RGS11: variants seen among roughly 807,000 people sequenced by gnomAD.
The protein encoded by RGS11 is regulator of G protein signaling 11.
RGS11 carries 86 observed loss-of-function variants against 71.1 expected under a neutral mutation model. The ratio of observed to expected loss-of-function variants is 1.21; its 90% CI spans 1.02 to 1.45. RGS11 has a LOEUF of 1.45. Ranked by LOEUF, RGS11 falls within the 40% of genes most tolerant of loss-of-function variation. RGS11 has a pLI of 0.00. For missense variants in RGS11, 734 were observed against 635.1 expected, an observed-to-expected ratio of 1.16 and a Z score of -1.67; for synonymous variants, 298 against 254.2, an observed-to-expected ratio of 1.17 and a Z score of -1.64.
chr16:271,058 A>G lies in RGS11; in HGVS notation c.905T>C (p.Phe302Ser). ...GTCCTCCAGGAGCTCCCGGAAGCTG[A>G]AGCCCCATCTCTCCACACGGAGCTT... is the stretch of plus-strand genomic sequence containing the variant. ...PTKLRVERWG[F>S]SFRELLEDPV... Residue 302 changes from phenylalanine (F) to serine (S), a missense_variant, in exon 13 of 17, where the codon TTC becomes TCC. Coordinates refer to ENST00000397770, the MANE Select transcript of RGS11 (RefSeq NM_183337.3). The G allele has an allele frequency of 6.2e-7, 1 of 1,612,412 alleles. No homozygotes were observed. The highest frequency in any genetic ancestry group is 8.5e-7 in the Non-Finnish European group (1 of 1,179,914).
At position 270,988 on chromosome 16, in the gene RGS11, G is replaced by A. The variant is rs367688539; in HGVS notation, c.975C>T (p.Phe325=). The part of the protein sequence containing the change: ...AHFMDFLGKE[F]SGENLSFWEA... ...CAGGGGCTGGGGGGTTCTCACCACT[G>A]AACTCCTTTCCCAGAAAGTCCATGA... Residue 325 remains phenylalanine (F), a synonymous_variant, in exon 13 of 17, where the codon TTC becomes TTT. Coordinates refer to ENST00000397770, the MANE Select transcript of RGS11 (RefSeq NM_183337.3). The A allele has an allele frequency of 6.2e-7, 1 of 1,610,382 alleles. No individual in the cohort carries two copies. The highest frequency in any genetic ancestry group is 1.3e-5 in the African/African-American group (1 of 74,874).
rs1213390765 is a variant in RGS11, at chr16:273,468, G to A, written c.588+7C>T. Reference sequence around the variant, plus strand: ...GCGACCCCCACCCTCACCGCAGGTGGGCTCACCGGGGGCCTGTTCACCAGC... The same window carrying A: ...GCGACCCCCACCCTCACCGCAGGTGAGCTCACCGGGGGCCTGTTCACCAGC... On this transcript the variant is annotated splice_region_variant and intron_variant, in intron 8 of 16. Coordinates refer to ENST00000397770, the MANE Select transcript of RGS11 (RefSeq NM_183337.3). 11 of 1,547,472 alleles carry A rather than the reference G, an allele frequency of 7.1e-6. No homozygotes were observed. Among genetic ancestry groups the A allele is most frequent in the African/African-American group, 5.5e-5 (4 of 73,240 alleles).
rs757240469 is a variant in RGS11 at position 270,227 on chromosome 16, C to A, written c.1206+296G>T. Among the ~76,000 whole-genome samples the A allele has an allele frequency of 1.7e-3, 255 of 151,364 alleles. 1 individual carries two copies. Among genetic ancestry groups the A allele is most frequent in the Admixed American group, 4.9e-3 (74 of 15,232 alleles). On this transcript the variant is annotated intron_variant, in intron 15 of 16. Coordinates refer to ENST00000397770, the MANE Select transcript of RGS11 (RefSeq NM_183337.3). Reference sequence around the variant, plus strand: ...TCCCGCCACTGCACTCCAGCCTGGGCGACAGAGCGAGACTCGCCTCAAAAC... The same window carrying A: ...TCCCGCCACTGCACTCCAGCCTGGGAGACAGAGCGAGACTCGCCTCAAAAC...
chr16:275,195 G>T, intron 3 of RGS11, 88 bp downstream of exon 3: 4 of 1,601,358 alleles, frequency 2.5e-6, no homozygotes, highest in Non-Finnish European at 2.6e-6. Flanking sequence ...GCTCAGCAGG[G>T]CTCTGAGAAC....
chr16:275,093 G>T lies in RGS11; in HGVS notation c.212-11C>A. The T allele has an allele frequency of 1.4e-6, 2 of 1,480,414 alleles. No homozygotes were observed. The allele number at this position is 1,480,414 out of a possible 1,614,324, so 91.7% of individuals were successfully genotyped here. On this transcript the variant is annotated splice_polypyrimidine_tract_variant and intron_variant, in intron 3 of 16. Coordinates refer to ENST00000397770, the MANE Select transcript of RGS11 (RefSeq NM_183337.3). ...CCAGGTGCAGGGCCTCTGGGGAGGG[G>T]TGGGACGGTGAGCGCGGGGCCGCGG...
In RGS11 at chr16:270,760, C is replaced by G. The variant is rs9806942; in HGVS notation, c.1051G>C (p.Val351Leu). The change falls in exon 14 of 17, where the codon GTG becomes CTG. Residue 351 changes from valine (V) to leucine (L), a missense_variant. Val to Leu is a conservative substitution (Grantham distance 32). Transcript: ENST00000397770. Reference sequence around the variant, plus strand: ...AGCACTTACTCGTACACGGCATCCACCAGGGTGGGGACCTGGGCCTGCGCT... The same window carrying G: ...AGCACTTACTCGTACACGGCATCCAGCAGGGTGGGGACCTGGGCCTGCGCT... ...YGAQAQVPTL[V>L]DAVYEQFLAP... 7 of 1,612,240 alleles carry G rather than the reference C, an allele frequency of 4.3e-6. No individual in the cohort carries two copies. Among genetic ancestry groups the G allele is most frequent in the Non-Finnish European group, 8.5e-7 (1 of 1,179,814 alleles).
In RGS11 at chr16:270,709, C is replaced by T. The variant is rs530592338; in HGVS notation, c.1067+35G>A. ...GTAGTCTCGGCTGGGTGCACCTGCC[C>T]GTTGGCCAACCGGTGCCCACCACGC... On this transcript the variant is annotated intron_variant, in intron 14 of 16. Transcript: ENST00000397770. The T allele has an allele frequency of 5.5e-5, 88 of 1,610,150 alleles. No homozygotes were observed. In the East Asian group the frequency reaches 6.3e-4, roughly 11 times the overall value.
At position 271,410 on chromosome 16, in the gene RGS11, G is replaced by A. The variant is rs1414244123; in HGVS notation, c.738C>T (p.Val246=). 1 of 1,613,776 alleles carries A rather than the reference G, an allele frequency of 6.2e-7. No individual in the cohort carries two copies. The highest frequency in any genetic ancestry group is 8.5e-7 in the Non-Finnish European group (1 of 1,180,018). Residue 246 remains valine, a synonymous_variant, in exon 11 of 17, where the codon GTC becomes GTT. Coordinates refer to ENST00000397770, the MANE Select transcript of RGS11 (RefSeq NM_183337.3). ...ALGRTRVKSS[V]CLEAYLSFCG... is the part of the protein sequence containing the mutation. ...CTCACCCCACTCACGCCTCAAGGCAGACGGAGGACTTCACTCGGGTCCTGC... is the reference window on the plus strand; with the variant it reads ...CTCACCCCACTCACGCCTCAAGGCAAACGGAGGACTTCACTCGGGTCCTGC...
intron 15 of RGS11, chr16:269,842 G>A (rs1024180599): frequency 2.9e-5 from 13 of 448,806 alleles, no homozygotes; most frequent in East Asian, 1.5e-4. Flanking sequence ...AATAAACCGC[G>A]GCACCTCCTC....
In RGS11 at chr16:269,105, G is replaced by T; in HGVS notation, c.*164C>A. ...TCTGGGCAGGGAGGGCTTGCTGGAG[G>T]GAGGGAGGCTGTGCACCCCACAGAA... On this transcript the variant is annotated 3_prime_UTR_variant, in exon 17 of 17. Coordinates refer to ENST00000397770, the MANE Select transcript of RGS11 (RefSeq NM_183337.3). 1 of 903,702 alleles carries T rather than the reference G, an allele frequency of 1.1e-6. No individual in the cohort carries two copies. The highest frequency in any genetic ancestry group is 1.8e-6 in the Non-Finnish European group (1 of 560,658). 56.0% of individuals were successfully genotyped at this position (903,702 alleles called of 1,614,324 possible). A position where few individuals can be genotyped will look rare whatever the true frequency, so the allele number is the denominator to read the frequency against.
At position 272,917 on chromosome 16, in the gene RGS11, ATCGGGGGCCCCGGGCTGCGGAG is replaced by A; in HGVS notation, c.589-8_602del. ...CCCGCCCTGGACCCTGCTCCAGCAC[ATCGGGGGCCCCGGGCTGCGGAG>A]GGGAGACGAGATGAGGTGGGGATGC... On this transcript the variant is annotated splice_acceptor_variant and splice_polypyrimidine_tract_variant and coding_sequence_variant and intron_variant, in exon 9 of 17. Coordinates refer to ENST00000397770, the MANE Select transcript of RGS11 (RefSeq NM_183337.3). LOFTEE classifies it high-confidence loss of function. 6.6e-7 allele frequency: 1 copy of A among 1,520,350 alleles called. No homozygotes were observed. Among genetic ancestry groups the A allele is most frequent in the Non-Finnish European group, 8.9e-7 (1 of 1,129,402 alleles). 94.2% of individuals were successfully genotyped at this position (1,520,350 alleles called of 1,614,324 possible).
At position 271,432 on chromosome 16, in the gene RGS11, C is replaced by T. The variant is rs1249664433; in HGVS notation, c.716G>A (p.Arg239Lys). 2.5e-6 allele frequency: 4 copies of T among 1,613,700 alleles called. No homozygotes were observed. The African/African-American group carries it at 5.3e-5, about 22-fold the overall frequency. ...GCAGACGGAGGACTTCACTCGGGTC[C>T]TGCCCAGCGCTTTCCTGAAGTACTC... ...EIEYFRKALG[R>K]TRVKSSVCLE... Residue 239 changes from arginine to lysine, a missense_variant, in exon 11 of 17, where the codon AGG becomes AAG. By Grantham distance (26) the Arg-to-Lys change is conservative. Coordinates refer to ENST00000397770, the MANE Select transcript of RGS11 (RefSeq NM_183337.3).
At chr16:271,510 G>T in intron 10 of RGS11, 30 bp downstream of exon 10, 3 of 1,613,968 alleles carry the variant, frequency 1.9e-6, no homozygotes, top group Non-Finnish European at 2.5e-6. Flanking sequence ...AAGGCACCTG[G>T]CACCCTCCAC....
chr16:275,177 C>T, intron 3 of RGS11, 95 bp from the exon 4 acceptor site: 2 of 1,591,440 alleles, frequency 1.3e-6, no homozygotes, highest in Non-Finnish European at 1.7e-6. Context: ...CCCACCCTTG[C>T]ACAGCGCGCT....
intron 15 of RGS11, among the ~76,000 whole-genome samples, chr16:270,113 G>A (rs2051854724): frequency 6.6e-6 from 1 of 152,054 alleles, no homozygotes; most frequent in African/African-American, 2.4e-5. Context: ...GCCGGGCGTG[G>A]TGGCGGGCGC....
intron 1 of RGS11, 33 bp downstream of exon 1, chr16:275,816 C>CG: frequency 1.0e-6 from 1 of 996,224 alleles, no homozygotes; most frequent in Non-Finnish European, 1.3e-6. Flanking sequence ...GCCGGGAAAT[C>CG]GGGGGACGGC....
rs200442602 is a variant in RGS11, at chr16:269,390, G to A, written c.1290-7C>T. On this transcript the variant is annotated splice_polypyrimidine_tract_variant and splice_region_variant and intron_variant, in intron 16 of 16. Coordinates refer to ENST00000397770, the MANE Select transcript of RGS11 (RefSeq NM_183337.3). ...CCACGTAAACGGGAACACGCTGTGG[G>A]CGAGAAGGCGGCTGAGAACAGGCTG... The A allele has an allele frequency of 3.1e-6, 5 of 1,597,318 alleles. No homozygotes were observed. In the East Asian group the frequency reaches 1.1e-4, roughly 36 times the overall value.
intron 3 of RGS11, 75 bp from the exon 4 acceptor site, chr16:275,157 C>T: frequency 1.3e-6 from 2 of 1,556,982 alleles, no homozygotes; most frequent in Non-Finnish European, 1.7e-6. Context: ...CTCCTCTCCC[C>T]TATGTGCTCC....
Position 269,258 on chromosome 16 carries a change from G to A in RGS11, c.*11C>T. ...GCTGCAGGGACTAGAGTGGCAGATG[G>A]GCCAGGTCCACTAGGCCACCCCATC... On this transcript the variant is annotated 3_prime_UTR_variant, in exon 17 of 17. Transcript: ENST00000397770. 6.5e-7 allele frequency: 1 copy of A among 1,532,528 alleles called. No homozygotes were observed. The highest frequency in any genetic ancestry group is 8.9e-7 in the Non-Finnish European group (1 of 1,128,258). 94.9% of individuals were successfully genotyped at this position (1,532,528 alleles called of 1,614,324 possible).
Sources: allele counts gnomAD v4.1 joint callset (sites outside exome capture counted in the v4.1 genomes callset), GRCh38; gene constraint gnomAD v4.1.1; transcripts MANE v1.5; gene names NCBI Gene and HGNC (gene_info 2026-07-23, HGNC 2026-07-21).